SPATS2L: variants seen among roughly 807,000 people sequenced by gnomAD.
The protein encoded by SPATS2L is SPATS2-like protein.
A neutral mutation model predicts 59.6 loss-of-function variants in SPATS2L; 30 were observed. The observed-to-expected ratio is 0.50, with a 90% CI of 0.38 to 0.68. SPATS2L has a LOEUF of 0.68. Among genes scored for constraint, SPATS2L ranks in the 30% least tolerant of loss-of-function variants. The pLI is 0.00. For missense variants in SPATS2L, 615 were observed against 700.0 expected, an observed-to-expected ratio of 0.88 and a Z score of 1.37; for synonymous variants, 252 against 263.5, an observed-to-expected ratio of 0.96 and a Z score of 0.42.
chr2:200,454,356 T>C (rs2085686137), intron 8 of SPATS2L, among the ~76,000 whole-genome samples: 1 of 152,220 alleles, frequency 6.6e-6, no homozygotes, highest in African/African-American at 2.4e-5. Flanking sequence ...ACACTAGGCC[T>C]GACATGACTC....
At chr2:200,473,667 T>C (rs2087255090) in intron 12 of SPATS2L, among the ~76,000 whole-genome samples, 1 of 152,170 alleles carries the variant, frequency 6.6e-6, no homozygotes, top group African/African-American at 2.4e-5. Context: ...ACTATATCTT[T>C]TGGAGGTGAT....
At chr2:200,354,882 C>A (rs1026847174) in intron 2 of SPATS2L, among the ~76,000 whole-genome samples, 1 of 152,100 alleles carries the variant, frequency 6.6e-6, no homozygotes, top group Non-Finnish European at 1.5e-5. Flanking sequence ...TGTGCCTGAA[C>A]AAACCAGATT....
intron 9 of SPATS2L, among the ~76,000 whole-genome samples, chr2:200,465,815 G>A (rs775180535): frequency 6.6e-6 from 1 of 152,268 alleles, no homozygotes; most frequent in African/African-American, 2.4e-5. Context: ...GGCAGATCAC[G>A]AGGTCAGGAG....
intron 6 of SPATS2L, among the ~76,000 whole-genome samples, chr2:200,425,133 C>G (rs899809158): frequency 5.2e-5 from 5 of 97,080 alleles, no homozygotes; most frequent in East Asian, 4.2e-4. Context: ...CCCCCGCCCC[C>G]CCCCCCCCCC....
chr2:200,427,255 C>G (rs2083632319), intron 6 of SPATS2L, among the ~76,000 whole-genome samples: 2 of 151,416 alleles, frequency 1.3e-5, no homozygotes, highest in South Asian at 2.1e-4. Context: ...GATGGAAACT[C>G]TGTTTCCTCT....
rs569849473 is a variant in SPATS2L at position 200,329,307 on chromosome 2, G to A, written c.-72-124G>A. ...GTCACATAGCTGTTAAGTCATGGGT[G>A]AGGACGAATTCCCTGTCTTCTTGAC... On this transcript the variant is annotated intron_variant, in intron 1 of 12. Coordinates refer to ENST00000409140, the MANE Select transcript of SPATS2L (RefSeq NM_001100423.2). The A allele has an allele frequency of 2.4e-4, 183 of 776,984 alleles. No individual in the cohort carries two copies. The African/African-American group carries it at 2.8e-3, about 12-fold the overall frequency. 48.1% of individuals were successfully genotyped at this position (776,984 alleles called of 1,614,324 possible).
chr2:200,357,856 T>C (rs1273166833), intron 2 of SPATS2L, among the ~76,000 whole-genome samples: 2 of 152,192 alleles, frequency 1.3e-5, no homozygotes, highest in Non-Finnish European at 2.9e-5. Context: ...CAAAGTGCAT[T>C]GGAGACGTGA....
intron 6 of SPATS2L, among the ~76,000 whole-genome samples, chr2:200,426,082 C>CTTTT (rs769997762): frequency 1.6e-5 from 1 of 62,328 alleles, no homozygotes; most frequent in Non-Finnish European, 2.8e-5. Context: ...TAGGTTTTTA[C>CTTTT]TTTTTTTTTT....
intron 1 of SPATS2L, among the ~76,000 whole-genome samples, chr2:200,323,156 A>AGC (rs2079619891): frequency 1.3e-5 from 2 of 152,318 alleles, no homozygotes; most frequent in Non-Finnish European, 2.9e-5. Flanking sequence ...ACAGAGAATT[A>AGC]GCTATGGGAT....
chr2:200,317,835 T>C (rs1439882990), intron 1 of SPATS2L, among the ~76,000 whole-genome samples: 3 of 152,190 alleles, frequency 2.0e-5, no homozygotes, highest in Non-Finnish European at 4.4e-5. Context: ...ATAAAGCCAC[T>C]AAAATATCCT....
At chr2:200,412,005 A>G (rs1375196102) in intron 3 of SPATS2L, among the ~76,000 whole-genome samples, 1 of 152,186 alleles carries the variant, frequency 6.6e-6, no homozygotes, top group Non-Finnish European at 1.5e-5. Context: ...CACATCTTGT[A>G]TGCATCTGTA....
At chr2:200,373,224 C>T (rs1455152314) in intron 2 of SPATS2L, 1 of 136,972 alleles carries the variant, frequency 7.3e-6, no homozygotes, top group Admixed American at 7.9e-5. Context: ...ATTAGTGTCA[C>T]TAAAGTTGGC....
chr2:200,399,684 C>G (rs772169971), intron 3 of SPATS2L, among the ~76,000 whole-genome samples: 3 of 152,000 alleles, frequency 2.0e-5, no homozygotes, highest in Non-Finnish European at 2.9e-5. Context: ...ATTGATCAAA[C>G]CTGTTAAAAT....
At chr2:200,416,095 C>CA (rs1271769844) in intron 4 of SPATS2L, among the ~76,000 whole-genome samples, 1 of 151,982 alleles carries the variant, frequency 6.6e-6, no homozygotes, top group Non-Finnish European at 1.5e-5. Context: ...AGAAAATTCT[C>CA]AAGATATATT....
chr2:200,448,985 T>C (rs970706032), intron 8 of SPATS2L, among the ~76,000 whole-genome samples: 2 of 152,220 alleles, frequency 1.3e-5, no homozygotes, highest in African/African-American at 2.4e-5. Context: ...CGGGATCTAT[T>C]CTGAAATTGT....
At chr2:200,322,888 TGTCTA>T (rs1370988335) in intron 1 of SPATS2L, among the ~76,000 whole-genome samples, 1 of 152,228 alleles carries the variant, frequency 6.6e-6, no homozygotes, top group African/African-American at 2.4e-5. Flanking sequence ...AACCAACTGT[TGTCTA>T]GTCAAGAAAG....
At chr2:200,319,611 C>T (rs899836023) in intron 1 of SPATS2L, among the ~76,000 whole-genome samples, 1 of 148,310 alleles carries the variant, frequency 6.7e-6, no homozygotes, top group Non-Finnish European at 1.5e-5. Context: ...CAACAGCCTA[C>T]TCCTGACTGA....
In SPATS2L at chr2:200,479,026, C is replaced by G. The variant is rs1414077728; in HGVS notation, c.*995C>G. On this transcript the variant is annotated 3_prime_UTR_variant, in exon 13 of 13. Coordinates refer to ENST00000409140, the MANE Select transcript of SPATS2L (RefSeq NM_001100423.2). The stretch of plus-strand genomic sequence containing the variant: ...TCAAGCCATTCTCCTGCCCGGCCTT[C>G]CGAGTAGCTGGGATTACAGGCATGT... 1 of 152,544 alleles carries G rather than the reference C, an allele frequency of 6.6e-6. No individual in the cohort carries two copies. Among genetic ancestry groups the G allele is most frequent in the Non-Finnish European group, 1.5e-5 (1 of 68,394 alleles). 9.4% of individuals were successfully genotyped at this position (152,544 alleles called of 1,614,324 possible).
At chr2:200,413,470 A>G (rs2082955761) in intron 4 of SPATS2L, among the ~76,000 whole-genome samples, 2 of 152,212 alleles carry the variant, frequency 1.3e-5, no homozygotes, top group African/African-American at 2.4e-5. Context: ...ATCAAATTAA[A>G]CAAGTTCCAG....
Sources: allele counts gnomAD v4.1 joint callset (sites outside exome capture counted in the v4.1 genomes callset), GRCh38; gene constraint gnomAD v4.1.1; transcripts MANE v1.5; gene names NCBI Gene and HGNC (gene_info 2026-07-23, HGNC 2026-07-21).